The following COLEC12 variants were observed in gnomAD, a reference collection of about 807,000 sequenced individuals.
COLEC12 encodes the protein collectin-12.
A neutral mutation model predicts 71.1 loss-of-function variants in COLEC12; 33 were observed. That is an observed-to-expected ratio of 0.46 (90% CI 0.35 to 0.62). COLEC12 has a LOEUF of 0.62. Ranked by LOEUF, COLEC12 falls within the 20% of genes least tolerant of loss-of-function variation. The pLI, the probability that COLEC12 is intolerant of heterozygous loss-of-function variation, is 0.00. For missense variants in COLEC12, 765 were observed against 916.1 expected, an observed-to-expected ratio of 0.84 and a Z score of 2.13; for synonymous variants, 350 against 353.0, an observed-to-expected ratio of 0.99 and a Z score of 0.10.
In COLEC12 at chr18:333,086, T is replaced by G; in HGVS notation, c.1874A>C (p.Lys625Thr). The G allele has an allele frequency of 6.2e-7, 1 of 1,612,360 alleles. No individual in the cohort carries two copies. The change falls in exon 7 of 10, where the codon AAA (lysine) becomes ACA (threonine). Residue 625 changes from lysine (K) to threonine (T), a missense_variant. Physicochemically the swap from Lys to Thr is moderately conservative, Grantham distance 78. Transcript: ENST00000400256. Reference sequence around the variant, plus strand: ...AAGCTTTGCATCCTCAAAAATTTCTTTCTCAACTGAAAAATAGTAGCATTT... The same window carrying G: ...AAGCTTTGCATCCTCAAAAATTTCTGTCTCAACTGAAAAATAGTAGCATTT... ...TDKCYYFSVE[K>T]EIFEDAKLFC...
rs945862210 is a variant in COLEC12 at position 500,158 on chromosome 18, C to T, written c.7+350G>A. 2.6e-5 allele frequency among the ~76,000 whole-genome samples: 4 copies of T among 152,164 alleles called. No individual in the cohort carries two copies. Among genetic ancestry groups the T allele is most frequent in the Admixed American group, 6.5e-5 (1 of 15,284 alleles). ...GAGCGCTGCGGCGTGGAAAAGCGAC[C>T]GGGAGGGATGGCGATGCCTCCACTC... On this transcript the variant is annotated intron_variant, in intron 1 of 9. Transcript: ENST00000400256. This position sits in a 1 kb window ranked among gnomAD's most constrained non-coding sequence, Gnocchi z 5.3.
intron 2 of COLEC12, among the ~76,000 whole-genome samples, chr18:469,564 T>A (rs903792979): frequency 1.3e-5 from 2 of 152,182 alleles, no homozygotes; most frequent in African/African-American, 4.8e-5. Context: ...ACAAGCCTCA[T>A]GAGGTGCATA....
intron 2 of COLEC12, among the ~76,000 whole-genome samples, chr18:406,964 C>A (rs536069244): frequency 6.6e-6 from 1 of 152,374 alleles, no homozygotes; most frequent in Admixed American, 6.5e-5. Context: ...GCTCTTCCTG[C>A]AACTGGACCA....
intron 2 of COLEC12, among the ~76,000 whole-genome samples, chr18:450,347 T>C (rs2143712086): frequency 6.6e-6 from 1 of 152,304 alleles, no homozygotes; most frequent in East Asian, 1.9e-4. Context: ...GACTGGATCA[T>C]AAGGGCAGAG....
At chr18:420,153 G>A (rs933848462) in intron 2 of COLEC12, among the ~76,000 whole-genome samples, 1 of 152,096 alleles carries the variant, frequency 6.6e-6, no homozygotes, top group African/African-American at 2.4e-5. Flanking sequence ...CTGACCCACA[G>A]GACCAGAGCA....
intron 5 of COLEC12, among the ~76,000 whole-genome samples, chr18:341,244 T>TGA (rs1334669561): frequency 1.3e-5 from 2 of 152,230 alleles, no homozygotes; most frequent in African/African-American, 4.8e-5. Flanking sequence ...TAGACAGACC[T>TGA]GAGTTTGGCA....
chr18:433,535 C>G (rs931316311), intron 2 of COLEC12, among the ~76,000 whole-genome samples: 2 of 152,118 alleles, frequency 1.3e-5, no homozygotes, highest in African/African-American at 4.8e-5. Flanking sequence ...ATGTTGCATT[C>G]CCCAGGAGGC....
At chr18:429,376 CT>C (rs1012072007) in intron 2 of COLEC12, among the ~76,000 whole-genome samples, 4 of 148,076 alleles carry the variant, frequency 2.7e-5, no homozygotes, top group African/African-American at 9.9e-5. Context: ...TCATGTAATT[CT>C]TTTTTTCTTT....
At chr18:426,945 T>C (rs1916210186) in intron 2 of COLEC12, among the ~76,000 whole-genome samples, 1 of 152,122 alleles carries the variant, frequency 6.6e-6, no homozygotes, top group Non-Finnish European at 1.5e-5. Flanking sequence ...GGGTCTGCAA[T>C]ATATGGAACT....
At chr18:395,846 A>G (rs1313415761) in intron 2 of COLEC12, among the ~76,000 whole-genome samples, 2 of 152,164 alleles carry the variant, frequency 1.3e-5, no homozygotes, top group African/African-American at 4.8e-5. Context: ...ATCCTCTTGA[A>G]AAGCACATGT....
At chr18:470,517 G>A (rs1917174601) in intron 2 of COLEC12, among the ~76,000 whole-genome samples, 3 of 151,886 alleles carry the variant, frequency 2.0e-5, no homozygotes, top group South Asian at 2.1e-4. Context: ...TTACAGGTGT[G>A]AGCCACCACC....
intron 2 of COLEC12, among the ~76,000 whole-genome samples, chr18:375,250 G>A (rs542311045): frequency 7.9e-5 from 12 of 152,252 alleles, no homozygotes; most frequent in East Asian, 1.9e-4. Context: ...TTGCTGTTTC[G>A]ACTCCAGCCA....
At chr18:455,933 A>G (rs1011877435) in intron 2 of COLEC12, among the ~76,000 whole-genome samples, 1 of 152,156 alleles carries the variant, frequency 6.6e-6, no homozygotes, top group African/African-American at 2.4e-5. Context: ...GGTTGTAAAT[A>G]GTTCTTTGCT....
chr18:422,049 A>G (rs1916109415), intron 2 of COLEC12, among the ~76,000 whole-genome samples: 1 of 152,132 alleles, frequency 6.6e-6, no homozygotes, highest in South Asian at 2.1e-4. Flanking sequence ...AGCAAGCCAC[A>G]TGGCTGAGAG....
rs376669613 is a variant in COLEC12, at chr18:410,766, T to C, written c.59-53244A>G. ...ACTTATAGTGAAGAAGACAACAACC[T>C]GGAAATGCCAAAGAGCACAGACAAA... On this transcript the variant is annotated intron_variant, in intron 2 of 9. Coordinates refer to ENST00000400256, the MANE Select transcript of COLEC12 (RefSeq NM_130386.3). Among the ~76,000 whole-genome samples the C allele has an allele frequency of 1.8e-4, 27 of 151,334 alleles. No homozygotes were observed. The East Asian group carries it at 3.5e-3, about 19-fold the overall frequency.
At chr18:340,073 G>GAAAAAAAA (rs1491573822) in intron 5 of COLEC12, among the ~76,000 whole-genome samples, 3 of 35,796 alleles carry the variant, frequency 8.4e-5, no homozygotes, top group Non-Finnish European at 1.2e-4. Flanking sequence ...GTGCCTGAAA[G>GAAAAAAAA]CAAAAAAAAA....
At chr18:410,897 C>T (rs1567899726) in intron 2 of COLEC12, among the ~76,000 whole-genome samples, 1 of 152,192 alleles carries the variant, frequency 6.6e-6, no homozygotes, top group Non-Finnish European at 1.5e-5. Context: ...ACCACAGAAT[C>T]CCCACCTCCA....
chr18:491,869 C>T lies in COLEC12; in HGVS notation c.7+8639G>A, dbSNP rs1359068553. Among the ~76,000 whole-genome samples, 3 of 152,140 alleles carry T rather than the reference C, an allele frequency of 2.0e-5. No homozygotes were observed. The East Asian group carries it at 5.8e-4, about 29-fold the overall frequency. ...CTAAGCACAGTATCGGTAATATTTG[C>T]CCTGGTTTTATAGCTTTACAAATGT... On this transcript the variant is annotated intron_variant, in intron 1 of 9. Transcript: ENST00000400256.
intron 5 of COLEC12, among the ~76,000 whole-genome samples, chr18:345,402 G>A (rs1311955604): frequency 1.3e-5 from 2 of 152,156 alleles, no homozygotes; most frequent in Non-Finnish European, 2.9e-5. Flanking sequence ...TTTAGGAGAT[G>A]GGATATTGCT....
Sources: gnomAD v4.1 joint callset for allele counts (sites outside exome capture counted in the v4.1 genomes callset) on GRCh38, gnomAD v4.1.1 for gene constraint, Gnocchi (gnomAD v3.1) non-coding constraint, MANE v1.5 for transcripts, NCBI Gene and HGNC (gene_info 2026-07-23, HGNC 2026-07-21) for gene names.